Variants in TNRC6B observed in about 807,000 individuals in gnomAD.
TNRC6B encodes the protein trinucleotide repeat containing adaptor 6B.
A neutral mutation model predicts 203.6 loss-of-function variants in TNRC6B; 52 were observed. The ratio of observed to expected loss-of-function variants is 0.26; its 90% CI spans 0.20 to 0.32. The LOEUF is 0.32. Among genes scored for constraint, TNRC6B ranks in the 10% least tolerant of loss-of-function variants. TNRC6B has a pLI of 1.00. For missense variants in TNRC6B, 1,923 were observed against 2,286.2 expected (o/e 0.84, Z 3.24); for synonymous variants, 838 against 845.7 (o/e 0.99, Z 0.16).
chr22:40,323,024 C>G lies in TNRC6B; in HGVS notation c.5285C>G (p.Ala1762Gly). 4 of 1,603,930 alleles carry G rather than the reference C, an allele frequency of 2.5e-6. No homozygotes were observed. In the South Asian group the frequency reaches 4.5e-5, roughly 18 times the overall value. Residue 1762 changes from alanine (A) to glycine (G), a missense_variant, in exon 23 of 23, where the codon GCT (alanine) becomes GGT (glycine). By Grantham distance (60) the Ala-to-Gly change is moderately conservative. Around this residue, in one of 8 missense-constraint regions of TNRC6B, gnomAD observed 126 missense variants for 137.5 expected, o/e 0.92. Transcript: ENST00000454349. Reference protein sequence around the residue: ...GQNQSDPVGPALNLFGGSTGL... With the variant: ...GQNQSDPVGPGLNLFGGSTGL... ...AACCAGTCAGATCCCGTGGGACCTGCTCTGAATCTTTTTGGTGGGTCCACT... is the reference window on the plus strand; with the variant it reads ...AACCAGTCAGATCCCGTGGGACCTGGTCTGAATCTTTTTGGTGGGTCCACT...
intron 1 of TNRC6B, among the ~76,000 whole-genome samples, chr22:40,111,178 G>A (rs961259370): frequency 6.6e-6 from 1 of 152,190 alleles, no homozygotes; most frequent in Non-Finnish European, 1.5e-5. Context: ...TCCTGTCCGT[G>A]GGAAGGCAGT....
At chr22:40,107,912 T>C (rs1047578620) in intron 1 of TNRC6B, among the ~76,000 whole-genome samples, 2 of 150,664 alleles carry the variant, frequency 1.3e-5, no homozygotes, top group African/African-American at 4.9e-5. Context: ...GTTTTCAGTT[T>C]ATGGCAACTA....
rs142296906 is a variant in TNRC6B at position 40,330,225 on chromosome 22, G to T, written c.*6984G>T. On this transcript the variant is annotated 3_prime_UTR_variant, in exon 23 of 23. Coordinates refer to ENST00000454349, the MANE Select transcript of TNRC6B (RefSeq NM_001162501.2). The stretch of plus-strand genomic sequence containing the variant: ...TCAAAAAGGGAAATTCCTCTTTACT[G>T]CTCACAGTAAGCTGCAAAAGAAAGT... 1.3e-5 allele frequency: 2 copies of T among 151,900 alleles called. No homozygotes were observed. Among genetic ancestry groups the T allele is most frequent in the Non-Finnish European group, 2.9e-5 (2 of 67,950 alleles). The allele number at this position is 151,900 out of a possible 1,614,324, so 9.4% of individuals were successfully genotyped here.
chr22:40,159,184 C>T (rs956946790), intron 4 of TNRC6B, among the ~76,000 whole-genome samples: 23 of 151,296 alleles, frequency 1.5e-4, no homozygotes, highest in African/African-American at 4.8e-4. Context: ...AGGATGGTCT[C>T]GATCTCCTGA....
intron 1 of TNRC6B, among the ~76,000 whole-genome samples, chr22:40,215,842 A>G (rs1179140765): frequency 6.6e-6 from 1 of 152,254 alleles, no homozygotes; most frequent in East Asian, 1.9e-4. Flanking sequence ...CCTCGTGAAC[A>G]GAGCCACCAG....
intron 15 of TNRC6B, among the ~76,000 whole-genome samples, chr22:40,305,125 G>A (rs1202459866): frequency 6.6e-6 from 1 of 152,196 alleles, no homozygotes; most frequent in Non-Finnish European, 1.5e-5. Flanking sequence ...CCATGAATTA[G>A]GGTGTGTGGA....
chr22:40,046,325 T>G (rs2067687333), intron 1 of TNRC6B, among the ~76,000 whole-genome samples: 1 of 152,218 alleles, frequency 6.6e-6, no homozygotes, highest in Non-Finnish European at 1.5e-5. Flanking sequence ...CGCGCAGCAT[T>G]GCTGTAGGCA....
intron 1 of TNRC6B, among the ~76,000 whole-genome samples, chr22:40,204,725 G>A (rs769541417): frequency 1.1e-4 from 16 of 152,206 alleles, no homozygotes; most frequent in East Asian, 1.9e-4. Flanking sequence ...AGCTGCCTGC[G>A]GCTACTAAGA....
At chr22:40,112,156 C>T (rs1477312094) in intron 1 of TNRC6B, among the ~76,000 whole-genome samples, 4 of 152,012 alleles carry the variant, frequency 2.6e-5, no homozygotes, top group Admixed American at 6.6e-5. Flanking sequence ...GAGGTGTGGA[C>T]TCCGGAGGAG....
At chr22:40,100,189 T>C (rs1569260096) in intron 1 of TNRC6B, among the ~76,000 whole-genome samples, 1 of 151,812 alleles carries the variant, frequency 6.6e-6, no homozygotes, top group Non-Finnish European at 1.5e-5. Context: ...CAGGTTCAAA[T>C]GATTCTTGTG....
intron 2 of TNRC6B, among the ~76,000 whole-genome samples, chr22:40,121,014 G>T (rs1018259927): frequency 6.6e-6 from 1 of 152,170 alleles, no homozygotes; most frequent in South Asian, 2.1e-4. Context: ...CATCAGAGAA[G>T]TGACTTCACC....
intron 12 of TNRC6B, among the ~76,000 whole-genome samples, chr22:40,295,274 A>G (rs1221621916): frequency 6.6e-6 from 1 of 152,098 alleles, no homozygotes; most frequent in Admixed American, 6.6e-5. Context: ...TCAGGAGTTC[A>G]AGACCAGCCT....
intron 1 of TNRC6B, among the ~76,000 whole-genome samples, chr22:40,244,025 TGTA>T (rs2070069524): frequency 6.6e-6 from 1 of 152,162 alleles, no homozygotes; most frequent in Non-Finnish European, 1.5e-5. Context: ...GCTACTTTCC[TGTA>T]GTTGGTTTCA....
At chr22:40,145,133 C>G (rs2068681593) in intron 3 of TNRC6B, among the ~76,000 whole-genome samples, 1 of 151,504 alleles carries the variant, frequency 6.6e-6, no homozygotes, top group African/African-American at 2.4e-5. Context: ...GTGGTCCCAG[C>G]TATTCGGGAG....
chr22:40,049,586 A>G (rs999880099), intron 1 of TNRC6B, among the ~76,000 whole-genome samples: 1 of 152,022 alleles, frequency 6.6e-6, no homozygotes, highest in African/African-American at 2.4e-5. Context: ...AACAAAATCC[A>G]TATTTACCTG....
chr22:40,252,894 G>T (rs1474173474), intron 3 of TNRC6B, among the ~76,000 whole-genome samples: 4 of 152,114 alleles, frequency 2.6e-5, no homozygotes, highest in Non-Finnish European at 4.4e-5. Flanking sequence ...GATTTATGGG[G>T]ACAGCAGATG....
intron 1 of TNRC6B, among the ~76,000 whole-genome samples, chr22:40,064,372 ATT>A (rs913212563): frequency 1.4e-5 from 2 of 141,322 alleles, no homozygotes; most frequent in African/African-American, 2.6e-5. Flanking sequence ...ATGTTAGCTG[ATT>A]TTTTTTTTTT....
chr22:40,231,227 C>T (rs1015796956), intron 1 of TNRC6B, among the ~76,000 whole-genome samples: 24 of 152,122 alleles, frequency 1.6e-4, no homozygotes, highest in African/African-American at 5.6e-4. Flanking sequence ...GCTGACTATT[C>T]TGAATCCTTT....
chr22:40,216,234 A>G (rs1036436922), intron 1 of TNRC6B, among the ~76,000 whole-genome samples: 1 of 152,022 alleles, frequency 6.6e-6, no homozygotes, highest in Non-Finnish European at 1.5e-5. Context: ...CCTGGGGAAC[A>G]CCCTTTTGGC....
Sources: gnomAD v4.1 joint callset for allele counts (sites outside exome capture counted in the v4.1 genomes callset) on GRCh38, gnomAD v4.1.1 for gene constraint, gnomAD v4.1.1 regional missense constraint, MANE v1.5 for transcripts, NCBI Gene and HGNC (gene_info 2026-07-23, HGNC 2026-07-21) for gene names.